Variants in CNOT2 observed in about 807,000 individuals in gnomAD.
CNOT2 encodes CC chemokine receptor 4-negative regulator of transcription 2.
Under a neutral mutation model 72.1 loss-of-function variants are expected in CNOT2, and 7 were observed. That is an observed-to-expected ratio of 0.10 (90% CI 0.06 to 0.18). The LOEUF is 0.18. Ranked by LOEUF, CNOT2 falls within the 10% of genes least tolerant of loss-of-function variation. The probability of loss-of-function intolerance (pLI) is 1.00; values close to 1 mark genes in which losing one functional copy is unlikely to be tolerated. For missense variants in CNOT2, 345 were observed against 660.3 expected, an observed-to-expected ratio of 0.52 and a Z score of 5.23; for synonymous variants, 196 against 225.6, an observed-to-expected ratio of 0.87 and a Z score of 1.17.
At chr12:70,276,437 G>A (rs1178755282) in intron 1 of CNOT2, among the ~76,000 whole-genome samples, 1 of 151,926 alleles carries the variant, frequency 6.6e-6, no homozygotes, top group Non-Finnish European at 1.5e-5. Flanking sequence ...TGAATTCAGA[G>A]TCACCATGTA....
chr12:70,311,100 A>G (rs537449907), intron 3 of CNOT2, 83 bp downstream of exon 3: 2 of 934,690 alleles, frequency 2.1e-6, no homozygotes, highest in South Asian at 2.9e-5. Flanking sequence ...CAAGTGCAGA[A>G]TACTGTCTGT....
intron 1 of CNOT2, among the ~76,000 whole-genome samples, chr12:70,260,600 TTA>T (rs1958697450): frequency 6.6e-6 from 1 of 151,016 alleles, no homozygotes; most frequent in Non-Finnish European, 1.5e-5. Flanking sequence ...TCCTGTTGAC[TTA>T]TCTTGTATCT....
At chr12:70,265,326 T>TTCTCTTCTCTTCTC (rs1221150965) in intron 1 of CNOT2, among the ~76,000 whole-genome samples, 1 of 149,124 alleles carries the variant, frequency 6.7e-6, no homozygotes, top group Admixed American at 6.7e-5. Context: ...TTCTCTTCTC[T>TTCTCTTCTCTTCTC]TTCTTTCTTT....
At chr12:70,254,399 T>C (rs1336434553) in intron 1 of CNOT2, among the ~76,000 whole-genome samples, 1 of 152,156 alleles carries the variant, frequency 6.6e-6, no homozygotes, top group Non-Finnish European at 1.5e-5. Flanking sequence ...GTAGCAAGGA[T>C]ATCATGTCCC....
At chr12:70,255,950 T>TC (rs1487199194) in intron 1 of CNOT2, among the ~76,000 whole-genome samples, 1 of 152,198 alleles carries the variant, frequency 6.6e-6, no homozygotes. Context: ...ATAATGATTG[T>TC]CAGGCACAGC....
At chr12:70,270,753 G>A (rs1959195876) in intron 1 of CNOT2, among the ~76,000 whole-genome samples, 1 of 152,058 alleles carries the variant, frequency 6.6e-6, no homozygotes, top group African/African-American at 2.4e-5. Context: ...GTTTACCCTT[G>A]TACCCTTTTC....
intron 7 of CNOT2, chr12:70,334,561 G>C (rs1300343645): frequency 6.6e-6 from 1 of 151,990 alleles, no homozygotes. Context: ...AAAATTAAAA[G>C]CTATAGCGCA....
At chr12:70,273,313 C>CT (rs142622620) in intron 1 of CNOT2, among the ~76,000 whole-genome samples, 14,455 of 148,946 alleles carry the variant, frequency 0.097, 871 homozygotes, top group Middle Eastern at 0.19. Flanking sequence ...TAATTCTCAT[C>CT]TTTTTTTTTT....
chr12:70,328,718 TAA>T (rs200104483), intron 4 of CNOT2, among the ~76,000 whole-genome samples: 1 of 143,398 alleles, frequency 7.0e-6, no homozygotes. Context: ...TAGCAGTCTT[TAA>T]AAAAAAAAAA....
At chr12:70,247,506 G>C (rs951773109) in intron 1 of CNOT2, among the ~76,000 whole-genome samples, 4 of 152,144 alleles carry the variant, frequency 2.6e-5, no homozygotes, top group African/African-American at 9.7e-5. Flanking sequence ...GTGGGGGGCA[G>C]GTGGTAGTGC....
chr12:70,300,120 G>T (rs1390084226), intron 2 of CNOT2, among the ~76,000 whole-genome samples: 5 of 152,070 alleles, frequency 3.3e-5, no homozygotes, highest in Non-Finnish European at 7.4e-5. Flanking sequence ...CTGGATATTA[G>T]CCCTTTGTCA....
At chr12:70,255,477 G>A (rs1958393801) in intron 1 of CNOT2, among the ~76,000 whole-genome samples, 2 of 152,060 alleles carry the variant, frequency 1.3e-5, no homozygotes, top group Admixed American at 6.5e-5. Flanking sequence ...AGCATTAAAA[G>A]TAAATACCAT....
chr12:70,255,985 A>G (rs1427513598), intron 1 of CNOT2, among the ~76,000 whole-genome samples: 5 of 152,170 alleles, frequency 3.3e-5, no homozygotes, highest in Non-Finnish European at 7.4e-5. Context: ...TCAGATACTC[A>G]GTTAACTCTG....
chr12:70,283,647 T>TAAAAAAAAAAA (rs34501610), intron 2 of CNOT2, among the ~76,000 whole-genome samples: 1 of 122,908 alleles, frequency 8.1e-6, no homozygotes, highest in African/African-American at 3.1e-5. Flanking sequence ...AGAATGAGTT[T>TAAAAAAAAAAA]AAAAAAAAAA....
intron 2 of CNOT2, among the ~76,000 whole-genome samples, chr12:70,305,702 G>T (rs538769024): frequency 6.6e-6 from 1 of 152,086 alleles, no homozygotes; most frequent in Non-Finnish European, 1.5e-5. Flanking sequence ...GATAGTTAGT[G>T]CTGCAAAGTC....
chr12:70,332,933 C>A, intron 7 of CNOT2, 87 bp downstream of exon 7: 6 of 1,386,922 alleles, frequency 4.3e-6, no homozygotes, highest in Non-Finnish European at 4.7e-6. Context: ...TCTTTAAATA[C>A]GGTAGGATTT....
intron 4 of CNOT2, among the ~76,000 whole-genome samples, chr12:70,324,628 A>T (rs1878798025): frequency 6.6e-6 from 1 of 151,854 alleles, no homozygotes; most frequent in African/African-American, 2.4e-5. Flanking sequence ...TTCCACAGGT[A>T]AAGATTCTGT....
chr12:70,314,899 T>A (rs1035137341), intron 3 of CNOT2, among the ~76,000 whole-genome samples: 4 of 152,070 alleles, frequency 2.6e-5, no homozygotes, highest in Non-Finnish European at 1.5e-5. Flanking sequence ...ATTTCGCTCT[T>A]GTTGCCCAGG....
intron 2 of CNOT2, among the ~76,000 whole-genome samples, chr12:70,282,250 G>A (rs17107926): frequency 0.14 from 21,923 of 152,110 alleles, 1,920 homozygotes; most frequent in Admixed American, 0.28. Context: ...GAACTTTTCA[G>A]TATGAGGTCA....
Sources: allele counts gnomAD v4.1 joint callset (sites outside exome capture counted in the v4.1 genomes callset), GRCh38; gene constraint gnomAD v4.1.1; transcripts MANE v1.5; gene names NCBI Gene and HGNC (gene_info 2026-07-23, HGNC 2026-07-21).